IKZF3: variants seen among roughly 807,000 people sequenced by gnomAD.
IKZF3 encodes the protein zinc finger protein Aiolos.
A neutral mutation model predicts 49.0 loss-of-function variants in IKZF3; 10 were observed. The ratio of observed to expected loss-of-function variants is 0.20; its 90% confidence interval spans 0.13 to 0.35. The LOEUF (loss-of-function observed/expected upper bound fraction) is 0.35. IKZF3 is among the 10% of genes least tolerant of loss of function. IKZF3 has a pLI of 1.00. For synonymous variants in IKZF3, 209 were observed against 228.2 expected (o/e 0.92, Z 0.76); for missense variants, 498 against 664.8 (o/e 0.75, Z 2.76).
intron 3 of IKZF3, among the ~76,000 whole-genome samples, chr17:39,810,011 G>T (rs1201826258): frequency 6.6e-6 from 1 of 152,130 alleles, no homozygotes; most frequent in Non-Finnish European, 1.5e-5. Context: ...TTTTTAGGTT[G>T]TGAACATCTT....
At chr17:39,848,417 T>C (rs1248615441) in intron 1 of IKZF3, among the ~76,000 whole-genome samples, 1 of 152,180 alleles carries the variant, frequency 6.6e-6, no homozygotes, top group Non-Finnish European at 1.5e-5. Flanking sequence ...CAAATGAACA[T>C]GCAGAGAGAA....
intron 1 of IKZF3, among the ~76,000 whole-genome samples, chr17:39,840,913 A>C (rs1323907577): frequency 6.6e-6 from 1 of 152,182 alleles, no homozygotes; most frequent in African/African-American, 2.4e-5. Flanking sequence ...GTGGTGGCTC[A>C]TGCCTGTAGT....
intron 7 of IKZF3, among the ~76,000 whole-genome samples, chr17:39,771,909 T>C (rs559105816): frequency 6.6e-6 from 1 of 151,884 alleles, no homozygotes; most frequent in African/African-American, 2.4e-5. Context: ...CTGGCTAGGT[T>C]TTTGATTTTT....
intron 1 of IKZF3, among the ~76,000 whole-genome samples, chr17:39,840,121 G>C (rs2062422153): frequency 6.6e-6 from 1 of 152,202 alleles, no homozygotes; most frequent in Admixed American, 6.5e-5. Context: ...AAAGAAACTG[G>C]GATGAGTTAG....
chr17:39,792,740 G>A lies in IKZF3; in HGVS notation c.357C>T (p.Asn119=). Residue 119 remains asparagine, a synonymous_variant, in exon 4 of 8, where the codon AAC becomes AAT. Transcript: ENST00000346872. Reference sequence around the variant, plus strand: ...TGCAGGATAATCCACACACATCGCAGTTCATCTTTCCACTGGTTGGCCTGC... The same window carrying A: ...TGCAGGATAATCCACACACATCGCAATTCATCTTTCCACTGGTTGGCCTGC... ...DSSRPTSGKM[N]CDVCGLSCIS... The A allele has an allele frequency of 1.9e-6, 3 of 1,614,140 alleles. No homozygotes were observed. The highest frequency in any genetic ancestry group is 2.2e-5 in the East Asian group (1 of 44,884).
At chr17:39,854,160 G>A (rs1204538384) in intron 1 of IKZF3, among the ~76,000 whole-genome samples, 3 of 152,000 alleles carry the variant, frequency 2.0e-5, no homozygotes, top group African/African-American at 7.2e-5. Flanking sequence ...GTAATATAAA[G>A]GTGAAATAAA....
rs563886228 is a variant in IKZF3 at position 39,828,022 on chromosome 17, T to C, written c.163+1365A>G. ...ACAATTCTTGCCAAAGAGGAGGATA[T>C]TGGTGTGATGACTATTCTTTTTTTC... On this transcript the variant is annotated intron_variant, in intron 3 of 7. Transcript: ENST00000346872. Among the ~76,000 whole-genome samples, 7 of 152,242 alleles carry C rather than the reference T, an allele frequency of 4.6e-5. No homozygotes were observed. In the South Asian group the frequency reaches 1.5e-3, roughly 32 times the overall value.
Position 39,837,259 on chromosome 17 carries a change from G to GTTTC in IKZF3, c.8-5109_8-5108insGAAA, listed in dbSNP as rs1304022500. Among the ~76,000 whole-genome samples the GTTTC allele has an allele frequency of 9.2e-5, 14 of 152,044 alleles. No individual in the cohort carries two copies. The East Asian group carries it at 9.7e-4, about 11-fold the overall frequency. ...CTGGTGCTTTTCATTTTTTCATAAA[G>GTTTC]ATTTGAGTTCTGATCTGGTATCACG... is the stretch of plus-strand genomic sequence containing the variant. On this transcript the variant is annotated intron_variant, in intron 1 of 7. Transcript: ENST00000346872.
Position 39,797,124 on chromosome 17 carries a change from C to G in IKZF3, c.164-4191G>C, listed in dbSNP as rs530505261. ...AGGTTGCAGTGAGCTGAGATCCCAC[C>G]ACTGCACTCCAGCTTGGGTGACAAA... On this transcript the variant is annotated intron_variant, in intron 3 of 7. Transcript: ENST00000346872. Among the ~76,000 whole-genome samples the G allele has an allele frequency of 2.4e-4, 37 of 151,176 alleles. 1 individual carries two copies. Among genetic ancestry groups the G allele is most frequent in the East Asian group, 2.0e-3 (10 of 4,998 alleles).
intron 3 of IKZF3, among the ~76,000 whole-genome samples, chr17:39,823,242 T>C (rs1429659250): frequency 6.6e-6 from 1 of 152,152 alleles, no homozygotes; most frequent in African/African-American, 2.4e-5. Flanking sequence ...AAGGTAACTT[T>C]TGCTATGCTT....
intron 6 of IKZF3, 134 bp from the exon 7 acceptor site, chr17:39,777,901 G>C: frequency 7.1e-7 from 1 of 1,406,946 alleles, no homozygotes; most frequent in Non-Finnish European, 9.2e-7. Context: ...TAACTGCTCA[G>C]ATTCTTGCCT....
chr17:39,816,903 G>A (rs1258552552), intron 3 of IKZF3, among the ~76,000 whole-genome samples: 2 of 152,082 alleles, frequency 1.3e-5, no homozygotes, highest in Admixed American at 1.3e-4. Context: ...TAGTAGAGAC[G>A]GGGTTTCACC....
intron 3 of IKZF3, 41 bp downstream of exon 3, chr17:39,829,346 A>T (rs749220572): frequency 1.5e-6 from 2 of 1,369,502 alleles, no homozygotes. Flanking sequence ...CCTAAGCAAT[A>T]TCTACAGGCA....
chr17:39,832,067 A>G (rs16965361), intron 2 of IKZF3, 31 bp downstream of exon 2: 55,129 of 1,535,474 alleles, frequency 0.036, 1,796 homozygotes, highest in South Asian at 0.13. Context: ...TAGTAAAGGT[A>G]TATTTCCAGA....
intron 6 of IKZF3, among the ~76,000 whole-genome samples, chr17:39,784,686 CCCA>C (rs2060831302): frequency 6.6e-6 from 1 of 152,078 alleles, no homozygotes; most frequent in African/African-American, 2.4e-5. Context: ...ACAGGCGCGA[CCCA>C]CCGCGCCCGG....
At chr17:39,788,419 C>T (rs1207682705) in intron 5 of IKZF3, 45 bp from the exon 6 acceptor site, 3 of 1,249,552 alleles carry the variant, frequency 2.4e-6, no homozygotes, top group Non-Finnish European at 3.5e-6. Flanking sequence ...TCAGGGGTTC[C>T]ACACAGGTCA....
rs995379554 is a variant in IKZF3 at position 39,763,675 on chromosome 17, T to C, written c.*2115A>G. The C allele has an allele frequency of 6.6e-6, 1 of 152,196 alleles. No homozygotes were observed. The highest frequency in any genetic ancestry group is 2.4e-5 in the African/African-American group (1 of 41,426). 9.4% of individuals were successfully genotyped at this position (152,196 alleles called of 1,614,324 possible). ...TTTCATACCAAAGGAATGTGAAACA[T>C]GTATTCATATAAATACTCTTCTGCT... is the stretch of plus-strand genomic sequence containing the variant. On this transcript the variant is annotated 3_prime_UTR_variant, in exon 8 of 8. Transcript: ENST00000346872.
At chr17:39,835,570 C>T (rs1240617917) in intron 1 of IKZF3, 1 of 432,938 alleles carries the variant, frequency 2.3e-6, no homozygotes, top group Non-Finnish European at 4.5e-6. Flanking sequence ...TGCATGCTGT[C>T]AGCCTTGGCC....
chr17:39,854,233 C>G (rs944652122), intron 1 of IKZF3, among the ~76,000 whole-genome samples: 1 of 151,086 alleles, frequency 6.6e-6, no homozygotes, highest in Non-Finnish European at 1.5e-5. Flanking sequence ...TTCCAGAAGA[C>G]AGAATAAGGT....
Sources: allele counts gnomAD v4.1 joint callset (sites outside exome capture counted in the v4.1 genomes callset), GRCh38; gene constraint gnomAD v4.1.1; transcripts MANE v1.5; gene names NCBI Gene and HGNC (gene_info 2026-07-23, HGNC 2026-07-21).